The following ZBTB7C variants were observed in gnomAD, a reference collection of about 807,000 sequenced individuals.
The protein encoded by ZBTB7C is zinc finger and BTB domain-containing protein 7C.
In ZBTB7C, 8 loss-of-function variants were observed where a neutral mutation model predicts 25.7. That is an observed-to-expected ratio of 0.31 (90% confidence interval 0.18 to 0.56). The LOEUF (loss-of-function observed/expected upper bound fraction) is 0.56. Ranked by LOEUF, ZBTB7C falls within the 20% of genes least tolerant of loss-of-function variation. The probability of loss-of-function intolerance (pLI) is 0.91; values close to 1 mark genes in which losing one functional copy is unlikely to be tolerated. For missense variants in ZBTB7C, 824 were observed against 855.2 expected (o/e 0.96, Z 0.46); for synonymous variants, 394 against 369.0 (o/e 1.07, Z -0.78).
At chr18:48,243,907 A>G (rs1418419073) in intron 2 of ZBTB7C, among the ~76,000 whole-genome samples, 2 of 152,238 alleles carry the variant, frequency 1.3e-5, no homozygotes, top group Non-Finnish European at 2.9e-5. Context: ...CAAAGCAAAC[A>G]AAAACATAAA....
chr18:48,107,321 G>A (rs1332978299), intron 3 of ZBTB7C, among the ~76,000 whole-genome samples: 1 of 150,880 alleles, frequency 6.6e-6, no homozygotes. Context: ...TGGGAGGAGG[G>A]TGAAAGGCAA....
chr18:48,242,639 A>G (rs1054109611), intron 2 of ZBTB7C, among the ~76,000 whole-genome samples: 2 of 152,222 alleles, frequency 1.3e-5, no homozygotes, highest in African/African-American at 2.4e-5. Context: ...GCATTTGACA[A>G]TATCTAGCAT....
chr18:48,180,422 C>T (rs1051934924), intron 3 of ZBTB7C: 3 of 452,412 alleles, frequency 6.6e-6, no homozygotes, highest in African/African-American at 6.0e-5. Flanking sequence ...CAGGCCAGCA[C>T]TCCTCTTGAA....
At chr18:48,157,466 T>C (rs947045785) in intron 3 of ZBTB7C, among the ~76,000 whole-genome samples, 2 of 152,146 alleles carry the variant, frequency 1.3e-5, no homozygotes, top group Admixed American at 6.5e-5. Flanking sequence ...GGTCCTTCTG[T>C]CTGCGGAGCC....
chr18:48,372,029 C>G (rs766884069), intron 1 of ZBTB7C, among the ~76,000 whole-genome samples: 1 of 152,176 alleles, frequency 6.6e-6, no homozygotes, highest in Non-Finnish European at 1.5e-5. Flanking sequence ...CAGGTGCAAC[C>G]ATAACCCTGT....
In ZBTB7C at chr18:48,040,715, C is replaced by A. The variant is rs779011047; in HGVS notation, c.393G>T (p.Gly131=). Reference sequence around the variant, plus strand: ...CCTTGTCATCCTCCTCCCCCCCGTCCCCCCCAGGCTCCATGATCTCCAGGC... The same window carrying A: ...CCTTGTCATCCTCCTCCCCCCCGTCACCCCCAGGCTCCATGATCTCCAGGC... ...NVCLEIMEPG[G]DGGEEDDKED... The change falls in exon 4 of 5, where the codon GGG becomes GGT. Residue 131 remains glycine (G), a synonymous_variant. Coordinates refer to ENST00000590800, the MANE Select transcript of ZBTB7C (RefSeq NM_001318841.2). 1.9e-6 allele frequency: 3 copies of A among 1,613,974 alleles called. No homozygotes were observed. In the South Asian group the frequency reaches 3.3e-5, roughly 18 times the overall value.
chr18:48,034,198 C>A (rs745462933), intron 4 of ZBTB7C, among the ~76,000 whole-genome samples: 1 of 152,158 alleles, frequency 6.6e-6, no homozygotes, highest in Non-Finnish European at 1.5e-5. Flanking sequence ...CCTGTGTGCT[C>A]ACTTACCCCT....
chr18:48,324,917 G>T (rs2046183313), intron 2 of ZBTB7C, among the ~76,000 whole-genome samples: 1 of 152,162 alleles, frequency 6.6e-6, no homozygotes, highest in African/African-American at 2.4e-5. Context: ...AACACACAGA[G>T]CGGGCAGAGC....
intron 3 of ZBTB7C, among the ~76,000 whole-genome samples, chr18:48,095,651 G>A (rs2038593319): frequency 6.6e-6 from 1 of 152,130 alleles, no homozygotes; most frequent in Non-Finnish European, 1.5e-5. Flanking sequence ...GGTAGAGATT[G>A]CAATGAGCCG....
chr18:48,210,655 T>C (rs986698085), intron 2 of ZBTB7C, among the ~76,000 whole-genome samples: 5 of 151,210 alleles, frequency 3.3e-5, no homozygotes, highest in African/African-American at 9.8e-5. Context: ...TGTCATGGAG[T>C]GAGGGAAGAG....
At chr18:48,395,680 G>T (rs1021926063) in intron 1 of ZBTB7C, among the ~76,000 whole-genome samples, 1 of 152,172 alleles carries the variant, frequency 6.6e-6, no homozygotes, top group Non-Finnish European at 1.5e-5. Context: ...AGGGACTGGG[G>T]GCAGAGTCCC....
intron 2 of ZBTB7C, among the ~76,000 whole-genome samples, chr18:48,214,649 T>G (rs1213578690): frequency 1.3e-5 from 2 of 152,244 alleles, no homozygotes; most frequent in African/African-American, 4.8e-5. Context: ...ATTCCTTTAC[T>G]TTCTTAATAA....
chr18:48,128,947 T>C (rs1481209393), intron 3 of ZBTB7C, among the ~76,000 whole-genome samples: 1 of 152,122 alleles, frequency 6.6e-6, no homozygotes, highest in Non-Finnish European at 1.5e-5. Flanking sequence ...CATGTGGTAG[T>C]GAGTGTCTCT....
chr18:48,237,127 T>G (rs1289644587), intron 2 of ZBTB7C, among the ~76,000 whole-genome samples: 1 of 152,170 alleles, frequency 6.6e-6, no homozygotes, highest in African/African-American at 2.4e-5. Context: ...GCTTCTCCCC[T>G]CCTAAAACTC....
At chr18:48,314,617 T>G (rs2045905305) in intron 2 of ZBTB7C, among the ~76,000 whole-genome samples, 1 of 152,092 alleles carries the variant, frequency 6.6e-6, no homozygotes, top group South Asian at 2.1e-4. Context: ...GTGGCAGGTA[T>G]GGGCAGTACT....
At chr18:48,055,610 T>A (rs78614034) in intron 3 of ZBTB7C, among the ~76,000 whole-genome samples, 118 of 152,164 alleles carry the variant, frequency 7.8e-4, no homozygotes, top group African/African-American at 2.8e-3. Context: ...CCTTTTGTGC[T>A]TTGTGAGACT....
At chr18:48,296,519 A>C (rs1192490664) in intron 2 of ZBTB7C, among the ~76,000 whole-genome samples, 1 of 152,142 alleles carries the variant, frequency 6.6e-6, no homozygotes, top group East Asian at 1.9e-4. Context: ...TTGGAAACTA[A>C]TTACATTATT....
intron 3 of ZBTB7C, among the ~76,000 whole-genome samples, chr18:48,167,123 C>T (rs990196460): frequency 3.3e-5 from 5 of 152,182 alleles, no homozygotes; most frequent in Middle Eastern, 3.2e-3. Flanking sequence ...CTTCCTTGGC[C>T]GGAGGCAATA....
chr18:48,041,144 G>T (rs2036226028), intron 3 of ZBTB7C, 21 bp from the exon 4 acceptor site: 1 of 1,560,212 alleles, frequency 6.4e-7, no homozygotes, highest in African/African-American at 1.4e-5. Context: ...ACACAGAGAA[G>T]AAGACTGGGT....
Sources: allele counts gnomAD v4.1 joint callset (sites outside exome capture counted in the v4.1 genomes callset), GRCh38; gene constraint gnomAD v4.1.1; transcripts MANE v1.5; gene names NCBI Gene and HGNC (gene_info 2026-07-23, HGNC 2026-07-21).